IGDCC3: variants seen among roughly 807,000 people sequenced by gnomAD.
The protein encoded by IGDCC3 is putative neuronal cell adhesion molecule.
A neutral mutation model predicts 72.0 loss-of-function variants in IGDCC3; 47 were observed. The observed-to-expected ratio is 0.65, with a 90% CI of 0.52 to 0.83. The LOEUF is 0.83. Among genes scored for constraint, IGDCC3 ranks in the 40% least tolerant of loss-of-function variants. The pLI is 0.00. For synonymous variants in IGDCC3, 477 were observed against 472.8 expected (o/e 1.01, Z -0.11); for missense variants, 1,038 against 1,091.3 (o/e 0.95, Z 0.69).
intron 2 of IGDCC3, among the ~76,000 whole-genome samples, chr15:65,371,611 C>T (rs2091326256): frequency 6.6e-6 from 1 of 152,228 alleles, no homozygotes; most frequent in Non-Finnish European, 1.5e-5. Context: ...AGGTGATTCA[C>T]AGGCTCAGTA....
At chr15:65,330,521 C>T in intron 10 of IGDCC3, 29 bp downstream of exon 10, 1 of 1,607,786 alleles carries the variant, frequency 6.2e-7, no homozygotes, top group Non-Finnish European at 8.5e-7. Context: ...CTGCCAAGCC[C>T]CCTAGGCTCT....
At chr15:65,354,911 C>T (rs1253946756) in intron 2 of IGDCC3, among the ~76,000 whole-genome samples, 2 of 152,332 alleles carry the variant, frequency 1.3e-5, no homozygotes, top group South Asian at 4.1e-4. Context: ...ATGCAGATTT[C>T]CGGACCCTGC....
chr15:65,351,755 T>C (rs2091175540), intron 2 of IGDCC3, among the ~76,000 whole-genome samples: 2 of 152,206 alleles, frequency 1.3e-5, no homozygotes, highest in Non-Finnish European at 2.9e-5. Context: ...TATTGGTATA[T>C]GGTCCAAAGT....
chr15:65,367,047 G>C (rs2091291492), intron 2 of IGDCC3, among the ~76,000 whole-genome samples: 1 of 152,162 alleles, frequency 6.6e-6, no homozygotes, highest in Admixed American at 6.5e-5. Context: ...CATTGAATAA[G>C]AAAACTATGG....
rs1216029064 is a variant in IGDCC3 at position 65,377,884 on chromosome 15, G to A, written c.-96C>T. 2.0e-6 allele frequency: 2 copies of A among 1,023,652 alleles called. No individual in the cohort carries two copies. The highest frequency in any genetic ancestry group is 3.5e-5 in the African/African-American group (2 of 57,818). The allele number at this position is 1,023,652 out of a possible 1,614,324, so 63.4% of individuals were successfully genotyped here. On this transcript the variant is annotated 5_prime_UTR_variant, in exon 1 of 14. Coordinates refer to ENST00000327987, the MANE Select transcript of IGDCC3 (RefSeq NM_004884.4). This position sits in a 1 kb window ranked among gnomAD's most constrained non-coding sequence, Gnocchi z 4.9. ...GGCCGGCGCCGGGGCCGGGGCTGGGGCTCCGGCCGGGGCCGAGCCCAGGCG... is the reference window on the plus strand; with the variant it reads ...GGCCGGCGCCGGGGCCGGGGCTGGGACTCCGGCCGGGGCCGAGCCCAGGCG...
intron 2 of IGDCC3, among the ~76,000 whole-genome samples, chr15:65,354,425 T>G (rs560436719): frequency 3.9e-5 from 6 of 152,250 alleles, no homozygotes; most frequent in African/African-American, 1.4e-4. Context: ...CTGTTGCCCC[T>G]TTTTCTACCA....
Position 65,369,265 on chromosome 15 carries a change from G to A in IGDCC3, c.409+5832C>T, listed in dbSNP as rs371311480. The stretch of plus-strand genomic sequence containing the variant: ...TGAAGATGGATGGAAGGAAGCCTTC[G>A]TACCCCAGAGCAGAGGTGAGCCTCA... On this transcript the variant is annotated intron_variant, in intron 2 of 13. Transcript: ENST00000327987. Among the ~76,000 whole-genome samples the A allele has an allele frequency of 6.6e-5, 10 of 152,240 alleles. No individual in the cohort carries two copies. In the East Asian group the frequency reaches 7.7e-4, roughly 12 times the overall value.
chr15:65,366,544 G>A (rs926328786), intron 2 of IGDCC3, among the ~76,000 whole-genome samples: 2 of 152,166 alleles, frequency 1.3e-5, no homozygotes, highest in African/African-American at 2.4e-5. Flanking sequence ...GGGGCAGCAG[G>A]GGGTGGGGAG....
rs1382980078 is a variant in IGDCC3, at chr15:65,330,400, G to A, written c.1754-3C>T. The stretch of plus-strand genomic sequence containing the variant: ...CACCTCATACACTGCAGTGGGGTCT[G>A]GAGGAAGGCAGGGCGGATGAGCAAC... On this transcript the variant is annotated splice_polypyrimidine_tract_variant and splice_region_variant and intron_variant, in intron 10 of 13. Transcript: ENST00000327987. 6.8e-6 allele frequency: 11 copies of A among 1,610,754 alleles called. No homozygotes were observed. The Admixed American group carries it at 1.8e-4, about 27-fold the overall frequency.
chr15:65,351,533 CAAA>C (rs59065889), intron 2 of IGDCC3, among the ~76,000 whole-genome samples: 2 of 106,218 alleles, frequency 1.9e-5, no homozygotes, highest in African/African-American at 3.7e-5. Flanking sequence ...GACTCCGTCT[CAAA>C]AAAAAAAAAA....
At chr15:65,353,546 G>A (rs183093893) in intron 2 of IGDCC3, among the ~76,000 whole-genome samples, 188 of 152,210 alleles carry the variant, frequency 1.2e-3, no homozygotes, top group African/African-American at 4.2e-3. Flanking sequence ...CACCGTGCCC[G>A]GCCTCAGATG....
rs535431631 is a variant in IGDCC3, at chr15:65,329,833, C to G, written c.1890G>C (p.Glu630Asp). The part of the protein sequence containing the change: ...ALSPPCDCRK[E>D]EAANQTSTTG... Reference sequence around the variant, plus strand: ...TGGTGGACGTCTGGTTGGCGGCCTCCTCCTTCCGGCAGTCACATGGTGGGC... The same window carrying G: ...TGGTGGACGTCTGGTTGGCGGCCTCGTCCTTCCGGCAGTCACATGGTGGGC... Residue 630 changes from glutamate to aspartate, a missense_variant, in exon 12 of 14, where the codon GAG becomes GAC. By Grantham distance (45) the Glu-to-Asp change is conservative (BLOSUM62 2). Transcript: ENST00000327987. This position sits in a 1 kb window ranked among gnomAD's most constrained non-coding sequence, Gnocchi z 4.1. The G allele has an allele frequency of 1.2e-6, 2 of 1,613,998 alleles. No individual in the cohort carries two copies. The highest frequency in any genetic ancestry group is 4.5e-5 in the East Asian group (2 of 44,888).
rs1195091111 is a variant in IGDCC3 at position 65,377,553 on chromosome 15, GT to G, written c.103+132del. On this transcript the variant is annotated intron_variant, in intron 1 of 13. Transcript: ENST00000327987. The surrounding 1 kb of genome is among the most constrained non-coding windows in gnomAD (Gnocchi z 4.9). ...CCCTCTCCCCGTCCGGATCCGCAGG[GT>G]CCCCCCCGCGCGGGGTCCGCCCTCA... 5.4e-6 allele frequency: 5 copies of G among 921,620 alleles called. No homozygotes were observed. The highest frequency in any genetic ancestry group is 5.3e-5 in the African/African-American group (3 of 56,986). 57.1% of individuals were successfully genotyped at this position (921,620 alleles called of 1,614,324 possible). A position where few individuals can be genotyped will look rare whatever the true frequency, so the allele number is the denominator to read the frequency against.
intron 5 of IGDCC3, 36 bp downstream of exon 5, chr15:65,334,692 G>C: frequency 1.3e-6 from 2 of 1,511,380 alleles, no homozygotes; most frequent in Non-Finnish European, 1.8e-6. Context: ...GGTGGGACAG[G>C]CTGGGAGGGG....
At chr15:65,367,428 A>G (rs887165132) in intron 2 of IGDCC3, among the ~76,000 whole-genome samples, 2 of 151,770 alleles carry the variant, frequency 1.3e-5, no homozygotes, top group Non-Finnish European at 2.9e-5. Flanking sequence ...CCTAATGCTA[A>G]ATGACGAGTT....
At chr15:65,359,084 TG>T in intron 2 of IGDCC3, among the ~76,000 whole-genome samples, 1 of 152,304 alleles carries the variant, frequency 6.6e-6, no homozygotes. Context: ...CCCCAAGTGC[TG>T]GGACTACAGG....
At chr15:65,371,054 T>C (rs1039712351) in intron 2 of IGDCC3, among the ~76,000 whole-genome samples, 4 of 152,234 alleles carry the variant, frequency 2.6e-5, no homozygotes, top group South Asian at 2.1e-4. Flanking sequence ...AACCCACATT[T>C]AAACCACTGT....
chr15:65,371,696 A>C (rs1171037219), intron 2 of IGDCC3, among the ~76,000 whole-genome samples: 1 of 152,218 alleles, frequency 6.6e-6, no homozygotes, highest in East Asian at 1.9e-4. Context: ...TCAAGAATTA[A>C]GGCTAGGAAA....
At chr15:65,370,620 G>GTGTATATATATATA (rs1491326161) in intron 2 of IGDCC3, among the ~76,000 whole-genome samples, 21 of 94,590 alleles carry the variant, frequency 2.2e-4, no homozygotes, top group African/African-American at 7.3e-4. Flanking sequence ...ATATGTATGT[G>GTGTATATATATATA]TATATATATA....
Sources: allele counts gnomAD v4.1 joint callset (sites outside exome capture counted in the v4.1 genomes callset), GRCh38; gene constraint gnomAD v4.1.1; non-coding constraint Gnocchi (gnomAD v3.1); transcripts MANE v1.5; gene names NCBI Gene and HGNC (gene_info 2026-07-23, HGNC 2026-07-21).